Variants in ARL8B observed in about 807,000 individuals in gnomAD.
ARL8B encodes ARF like GTPase 8B.
ARL8B carries 9 observed loss-of-function variants against 30.6 expected under a neutral mutation model. That is an observed-to-expected ratio of 0.29 (90% CI 0.18 to 0.51). ARL8B has a LOEUF of 0.51. Among genes scored for constraint, ARL8B ranks in the 20% least tolerant of loss-of-function variants. ARL8B has a pLI of 0.97. For missense variants in ARL8B, 130 were observed against 227.2 expected, an observed-to-expected ratio of 0.57 and a Z score of 2.75; for synonymous variants, 74 against 76.0, an observed-to-expected ratio of 0.97 and a Z score of 0.14.
intron 1 of ARL8B, among the ~76,000 whole-genome samples, chr3:5,158,856 T>G (rs1026624500): frequency 1.4e-4 from 21 of 151,544 alleles, no homozygotes; most frequent in African/African-American, 5.1e-4. Context: ...TGATAAAGAT[T>G]AGGCTTTTTA....
chr3:5,152,910 G>C (rs190620870), intron 1 of ARL8B, among the ~76,000 whole-genome samples: 1 of 152,282 alleles, frequency 6.6e-6, no homozygotes, highest in Non-Finnish European at 1.5e-5. Flanking sequence ...TGATATTTAA[G>C]ACTTAGTTTA....
intron 1 of ARL8B, among the ~76,000 whole-genome samples, chr3:5,124,450 T>C (rs1240506210): frequency 2.6e-5 from 4 of 151,642 alleles, no homozygotes; most frequent in Non-Finnish European, 4.4e-5. Context: ...TCGGGTTACA[T>C]ATTTATATTA....
intron 1 of ARL8B, among the ~76,000 whole-genome samples, chr3:5,161,174 G>C (rs1318073452): frequency 1.3e-5 from 2 of 152,256 alleles, no homozygotes; most frequent in African/African-American, 4.8e-5. Flanking sequence ...CCACGGCCGG[G>C]GATTACAGGG....
At chr3:5,158,858 G>A (rs2054554770) in intron 1 of ARL8B, among the ~76,000 whole-genome samples, 1 of 151,424 alleles carries the variant, frequency 6.6e-6, no homozygotes, top group Non-Finnish European at 1.5e-5. Context: ...ATAAAGATTA[G>A]GCTTTTTAAA....
At chr3:5,140,448 C>T (rs984938187) in intron 1 of ARL8B, among the ~76,000 whole-genome samples, 2 of 152,148 alleles carry the variant, frequency 1.3e-5, no homozygotes, top group African/African-American at 4.8e-5. Context: ...ATTGTGAGGC[C>T]TCCCCAGCCA....
chr3:5,131,304 A>G (rs1267101844), intron 1 of ARL8B, among the ~76,000 whole-genome samples: 8 of 152,196 alleles, frequency 5.3e-5, no homozygotes, highest in Non-Finnish European at 1.0e-4. Flanking sequence ...AAATCTAGGA[A>G]AAGAAAGGAA....
intron 1 of ARL8B, among the ~76,000 whole-genome samples, chr3:5,146,627 C>T (rs773021762): frequency 6.6e-6 from 1 of 152,118 alleles, no homozygotes; most frequent in Non-Finnish European, 1.5e-5. Flanking sequence ...TATTAGGAGG[C>T]CCATTATGAC....
intron 1 of ARL8B, among the ~76,000 whole-genome samples, chr3:5,130,143 C>T (rs528716181): frequency 6.4e-4 from 97 of 151,922 alleles, no homozygotes; most frequent in Admixed American, 1.1e-3. Flanking sequence ...GGATTACAGG[C>T]GTGAGCCACT....
Position 5,122,425 on chromosome 3 carries a change from C to G in ARL8B, c.-41C>G. 1 of 1,610,182 alleles carries G rather than the reference C, an allele frequency of 6.2e-7. No individual in the cohort carries two copies. The highest frequency in any genetic ancestry group is 1.3e-5 in the African/African-American group (1 of 74,968). Reference sequence around the variant, plus strand: ...CGTGTGGAAGTCGTCGACGCCGCCGCTCGTCCGTCCTCCCGTCCGTTCTCG... The same window carrying G: ...CGTGTGGAAGTCGTCGACGCCGCCGGTCGTCCGTCCTCCCGTCCGTTCTCG... On this transcript the variant is annotated 5_prime_UTR_variant, in exon 1 of 7. Coordinates refer to ENST00000256496, the MANE Select transcript of ARL8B (RefSeq NM_018184.3).
At chr3:5,154,386 G>A (rs1319912653) in intron 1 of ARL8B, among the ~76,000 whole-genome samples, 1 of 150,872 alleles carries the variant, frequency 6.6e-6, no homozygotes, top group Admixed American at 6.6e-5. Context: ...CGAGGGTGGA[G>A]TGCACTGGTA....
At chr3:5,163,233 C>T (rs1454615674) in intron 1 of ARL8B, among the ~76,000 whole-genome samples, 2 of 152,012 alleles carry the variant, frequency 1.3e-5, no homozygotes, top group South Asian at 2.1e-4. Context: ...GTGATCCGCC[C>T]GCCTCAGCCT....
chr3:5,173,552 C>T lies in ARL8B; in HGVS notation c.373-465C>T, dbSNP rs552339007. On this transcript the variant is annotated intron_variant, in intron 4 of 6. Transcript: ENST00000256496. The stretch of plus-strand genomic sequence containing the variant: ...GAGATCGAGACCATCCTGGCTAACG[C>T]GGTGAAACCCCGTCTCTACTACAAA... Among the ~76,000 whole-genome samples the T allele has an allele frequency of 9.2e-5, 14 of 152,126 alleles. No individual in the cohort carries two copies. The South Asian group carries it at 1.9e-3, about 20-fold the overall frequency.
chr3:5,166,367 T>C (rs1474005962), intron 1 of ARL8B, among the ~76,000 whole-genome samples: 1 of 107,950 alleles, frequency 9.3e-6, no homozygotes. Context: ...TTTTTTTTTT[T>C]GGTAATGCTC....
chr3:5,123,839 C>T (rs541878509), intron 1 of ARL8B, among the ~76,000 whole-genome samples: 6 of 152,220 alleles, frequency 3.9e-5, no homozygotes, highest in African/African-American at 1.2e-4. Context: ...GAAGATTTAC[C>T]TGCTTGTTGT....
At chr3:5,170,957 C>T (rs1424529480) in intron 2 of ARL8B, 1 of 159,520 alleles carries the variant, frequency 6.3e-6, no homozygotes, top group African/African-American at 2.4e-5. Context: ...GTCTCAACTC[C>T]TAACCTCAAA....
chr3:5,143,010 A>G lies in ARL8B; in HGVS notation c.123+20422A>G, dbSNP rs78244597. Among the ~76,000 whole-genome samples, 1,093 of 152,352 alleles carry G rather than the reference A, an allele frequency of 7.2e-3. 17 individuals are homozygous for G. The highest frequency in any genetic ancestry group is 0.025 in the African/African-American group (1,029 of 41,576). On this transcript the variant is annotated intron_variant, in intron 1 of 6. Transcript: ENST00000256496. ...CCAACCCTGAATTGGGTGGTTCACCATACATCATCCCAGCTGGGGCATGGT... is the reference window on the plus strand; with the variant it reads ...CCAACCCTGAATTGGGTGGTTCACCGTACATCATCCCAGCTGGGGCATGGT...
intron 1 of ARL8B, among the ~76,000 whole-genome samples, chr3:5,129,085 C>A (rs911523778): frequency 6.6e-6 from 1 of 152,124 alleles, no homozygotes; most frequent in African/African-American, 2.4e-5. Flanking sequence ...GTTGGTATTT[C>A]TGGGTCAAAA....
rs557404439 is a variant in ARL8B, at chr3:5,153,925, A to G, written c.124-16578A>G. ...GCTGAATATAGAATTTCAGACTGAT[A>G]GTCTTTTTTTTTTTCCCCCTCCAGC... On this transcript the variant is annotated intron_variant, in intron 1 of 6. Coordinates refer to ENST00000256496, the MANE Select transcript of ARL8B (RefSeq NM_018184.3). Among the ~76,000 whole-genome samples, 13 of 128,168 alleles carry G rather than the reference A, an allele frequency of 1.0e-4. No homozygotes were observed. In the East Asian group the frequency reaches 2.8e-3, roughly 27 times the overall value. 84.1% of individuals were successfully genotyped at this position (128,168 alleles called of 152,430 possible).
chr3:5,158,181 A>C (rs184590181), intron 1 of ARL8B, among the ~76,000 whole-genome samples: 1 of 152,082 alleles, frequency 6.6e-6, no homozygotes, highest in East Asian at 1.9e-4. Context: ...GTAGGGTTTC[A>C]CTATGTTGGC....
Sources: allele counts gnomAD v4.1 joint callset (sites outside exome capture counted in the v4.1 genomes callset), GRCh38; gene constraint gnomAD v4.1.1; transcripts MANE v1.5; gene names NCBI Gene and HGNC (gene_info 2026-07-23, HGNC 2026-07-21).